PHKA1: variants seen among roughly 807,000 people sequenced by gnomAD.
PHKA1 encodes phosphorylase b kinase regulatory subunit alpha, skeletal muscle isoform.
In PHKA1, 60 loss-of-function variants were observed where a neutral mutation model predicts 110.2. The observed-to-expected ratio is 0.54, with a 90% CI of 0.44 to 0.68. The LOEUF is 0.68. PHKA1 is among the 30% of genes least tolerant of loss of function. The probability of loss-of-function intolerance (pLI) is 0.00; values close to 1 mark genes in which losing one functional copy is unlikely to be tolerated. For synonymous variants in PHKA1, 316 were observed against 333.6 expected, an observed-to-expected ratio of 0.95 and a Z score of 0.58; for missense variants, 801 against 942.5, an observed-to-expected ratio of 0.85 and a Z score of 1.97.
At chrX:72,599,751 G>T in intron 28 of PHKA1, 1 of 466,586 alleles carries the variant, frequency 2.1e-6, no homozygotes, top group Non-Finnish European at 3.8e-6. Flanking sequence ...TATATGTCAT[G>T]ATTTATATAA....
intron 16 of PHKA1, among the ~76,000 whole-genome samples, chrX:72,634,711 T>C (rs1300667460): frequency 8.9e-6 from 1 of 111,813 alleles, no homozygotes; most frequent in Admixed American, 9.5e-5. Context: ...GTAAGAAATA[T>C]GCAGATACAG....
In PHKA1 at chrX:72,644,449, T is replaced by C; in HGVS notation, c.1372A>G (p.Lys458Glu). 8.3e-7 allele frequency: 1 copy of C among 1,209,064 alleles called. No homozygotes were observed. The highest frequency in any genetic ancestry group is 1.8e-5 in the South Asian group (1 of 56,647). ...TEEIKTILKD[K>E]GIYVETIAEV... ...GCAATGGTCTCCACGTAAATTCCCT[T>C]GTCCTTCAAAATGGTCTTGATTTCT... Residue 458 changes from lysine (K) to glutamate (E), a missense_variant, in exon 14 of 32, where the codon AAG (lysine) becomes GAG (glutamate). By Grantham distance (56) the Lys-to-Glu change is moderately conservative. This residue lies in a region of PHKA1 where 299 missense variants were observed against 423.3 expected (regional missense o/e 0.71). Coordinates refer to ENST00000373542, the MANE Select transcript of PHKA1 (RefSeq NM_002637.4).
intron 2 of PHKA1, among the ~76,000 whole-genome samples, chrX:72,710,020 C>T (rs1487186074): frequency 3.1e-5 from 2 of 64,668 alleles, no homozygotes; most frequent in East Asian, 1.1e-3. Context: ...CCAACCTGGG[C>T]AATAGAGCAA....
intron 2 of PHKA1, among the ~76,000 whole-genome samples, chrX:72,708,440 C>T (rs2054321666): frequency 9.0e-6 from 1 of 111,301 alleles, no homozygotes; most frequent in South Asian, 3.8e-4. Context: ...AAAAAATAAG[C>T]TGGGACCAAC....
chrX:72,632,211 A>C (rs1346651712), intron 16 of PHKA1, among the ~76,000 whole-genome samples: 4 of 111,573 alleles, frequency 3.6e-5, no homozygotes, highest in African/African-American at 1.3e-4. Flanking sequence ...TATGTCTTTA[A>C]TTATTTTGTA....
At chrX:72,682,201 A>T (rs2053898590) in intron 5 of PHKA1, among the ~76,000 whole-genome samples, 1 of 75,675 alleles carries the variant, frequency 1.3e-5, no homozygotes, top group East Asian at 5.1e-4. Flanking sequence ...TCCGGGAGGG[A>T]GGTGGGGGGG....
intron 6 of PHKA1, among the ~76,000 whole-genome samples, chrX:72,672,486 G>A (rs782677712): frequency 1.8e-5 from 2 of 111,412 alleles, no homozygotes; most frequent in Non-Finnish European, 3.8e-5. Context: ...GGGCCTGAGT[G>A]TGCTAGCTCA....
intron 29 of PHKA1, among the ~76,000 whole-genome samples, chrX:72,591,993 A>G (rs1556226115): frequency 1.8e-5 from 2 of 112,012 alleles, no homozygotes; most frequent in African/African-American, 3.2e-5. Context: ...TTTACACAGT[A>G]CTTATCATCT....
intron 28 of PHKA1, among the ~76,000 whole-genome samples, chrX:72,601,686 C>A (rs990390219): frequency 9.0e-6 from 1 of 111,217 alleles, no homozygotes; most frequent in Non-Finnish European, 1.9e-5. Flanking sequence ...TCTGGCCAAG[C>A]AAAGACTCTT....
chrX:72,694,257 A>C (rs1488866562), intron 4 of PHKA1, among the ~76,000 whole-genome samples: 1 of 112,240 alleles, frequency 8.9e-6, no homozygotes, highest in African/African-American at 3.2e-5. Flanking sequence ...TCTTGCCTTA[A>C]AGTATTTCAC....
chrX:72,684,680 C>T (rs1202303051), intron 4 of PHKA1, 100 bp from the exon 5 acceptor site: 3 of 538,534 alleles, frequency 5.6e-6, no homozygotes, highest in Non-Finnish European at 9.8e-6. Flanking sequence ...CCCAAGCAAT[C>T]CTACTCCTGC....
Position 72,582,520 on chromosome X carries a change from G to A in PHKA1, c.3376C>T (p.Leu1126=). 1 of 1,202,146 alleles carries A rather than the reference G, an allele frequency of 8.3e-7. No homozygotes were observed. The highest frequency in any genetic ancestry group is 1.1e-6 in the Non-Finnish European group (1 of 886,586). The change falls in exon 31 of 32, where the codon CTG becomes TTG. Residue 1126 remains leucine (L), a synonymous_variant. Transcript: ENST00000373542. ...AGGACAAGGATGGCTTCAACCAGCA[G>A]CTGACGGTACTCTGGCTGAGGTACA... The part of the protein sequence containing the change: ...NRVPQPEYRQ[L]LVEAILVLTM...
chrX:72,641,809 G>C (rs1490490066), intron 14 of PHKA1, among the ~76,000 whole-genome samples: 2 of 111,235 alleles, frequency 1.8e-5, no homozygotes, highest in Non-Finnish European at 3.8e-5. Flanking sequence ...ATAGAATTTT[G>C]AATAGTCACT....
chrX:72,699,873 CT>C (rs2054184748), intron 3 of PHKA1, among the ~76,000 whole-genome samples: 2 of 111,831 alleles, frequency 1.8e-5, no homozygotes, highest in East Asian at 5.6e-4. Flanking sequence ...GAGCCAGGGA[CT>C]ATCGTGGAAG....
chrX:72,714,088 G>A lies in PHKA1; in HGVS notation c.-208C>T. ...CGGCGGCCTCAGGGGCCCACCACGC[G>A]CCAGCGCTAGCACTGGCTTCCCGCG... On this transcript the variant is annotated 5_prime_UTR_variant, in exon 1 of 32. Coordinates refer to ENST00000373542, the MANE Select transcript of PHKA1 (RefSeq NM_002637.4). 2.3e-6 allele frequency: 1 copy of A among 443,211 alleles called. No homozygotes were observed. Among genetic ancestry groups the A allele is most frequent in the Non-Finnish European group, 4.0e-6 (1 of 250,891 alleles). 36.5% of individuals were successfully genotyped at this position (443,211 alleles called of 1,213,427 possible). A position where few individuals can be genotyped will look rare whatever the true frequency, so the allele number is the denominator to read the frequency against.
chrX:72,697,707 G>C (rs60625908), intron 3 of PHKA1, among the ~76,000 whole-genome samples: 1 of 110,085 alleles, frequency 9.1e-6, no homozygotes, highest in South Asian at 3.9e-4. Flanking sequence ...AATTTTGGCC[G>C]GGTGCGGTGG....
In PHKA1 at chrX:72,588,634, C is replaced by A. The variant is rs185164631; in HGVS notation, c.3244-4332G>T. Among the ~76,000 whole-genome samples the A allele has an allele frequency of 3.3e-4, 37 of 111,102 alleles. No homozygotes were observed. In the East Asian group the frequency reaches 0.01, roughly 31 times the overall value. Reference sequence around the variant, plus strand: ...AAACCCTTCAAAAGATCAATGAATCCAGGAGCTGGTTTTTTGAAAAGATCA... The same window carrying A: ...AAACCCTTCAAAAGATCAATGAATCAAGGAGCTGGTTTTTTGAAAAGATCA... On this transcript the variant is annotated intron_variant, in intron 29 of 31. Transcript: ENST00000373542.
At chrX:72,679,941 T>C (rs782149807) in intron 5 of PHKA1, among the ~76,000 whole-genome samples, 4 of 110,539 alleles carry the variant, frequency 3.6e-5, no homozygotes, top group Admixed American at 2.9e-4. Context: ...GGACCCTAAA[T>C]AGAAGAAACG....
In PHKA1 at chrX:72,693,008, C is replaced by T. The variant is rs781810757; in HGVS notation, c.454+2700G>A. On this transcript the variant is annotated intron_variant, in intron 4 of 31. Coordinates refer to ENST00000373542, the MANE Select transcript of PHKA1 (RefSeq NM_002637.4). Reference sequence around the variant, plus strand: ...CCTCTAAGCACTGTTTTCTCTGCTTCCTATAAGTTTTGGTATGTTGTATTT... The same window carrying T: ...CCTCTAAGCACTGTTTTCTCTGCTTTCTATAAGTTTTGGTATGTTGTATTT... Among the ~76,000 whole-genome samples, 4 of 108,070 alleles carry T rather than the reference C, an allele frequency of 3.7e-5. No homozygotes were observed. In the South Asian group the frequency reaches 1.6e-3, roughly 44 times the overall value. The allele number at this position is 108,070 out of a possible 115,157, so 93.8% of individuals were successfully genotyped here.
Sources: gnomAD v4.1 joint callset for allele counts (sites outside exome capture counted in the v4.1 genomes callset) on GRCh38, gnomAD v4.1.1 for gene constraint, gnomAD v4.1.1 regional missense constraint, MANE v1.5 for transcripts, NCBI Gene and HGNC (gene_info 2026-07-23, HGNC 2026-07-21) for gene names.